Variants in ANKRD30B observed in about 807,000 individuals in gnomAD.
The protein encoded by ANKRD30B is ankyrin repeat domain 30B.
Under a neutral mutation model 202.2 loss-of-function variants are expected in ANKRD30B, and 144 were observed. That is an observed-to-expected ratio of 0.71 (90% confidence interval 0.62 to 0.82). The LOEUF (loss-of-function observed/expected upper bound fraction) is 0.82. Among genes scored for constraint, ANKRD30B ranks in the 40% least tolerant of loss-of-function variants. The pLI is 0.00. For synonymous variants in ANKRD30B, 508 were observed against 561.3 expected, an observed-to-expected ratio of 0.91 and a Z score of 1.34; for missense variants, 1,487 against 1,669.1, an observed-to-expected ratio of 0.89 and a Z score of 1.90.
At chr18:14,930,177 C>T in the ANKRD30B span, among the ~76,000 whole-genome samples, 1 of 152,180 alleles carries the variant, frequency 6.6e-6, no homozygotes, top group Non-Finnish European at 1.5e-5. Flanking sequence ...TGGGTTCCTC[C>T]AGAAGGCAGG....
the ANKRD30B span, among the ~76,000 whole-genome samples, chr18:14,879,157 A>G: frequency 1.2e-3 from 181 of 152,288 alleles, no homozygotes; most frequent in African/African-American, 4.0e-3. Flanking sequence ...TCGGGGCCAC[A>G]TCGACAGTGA....
In ANKRD30B at chr18:14,763,798, G is replaced by C. The variant is rs1040310529; in HGVS notation, c.933G>C (p.Glu311Asp). 4.3e-6 allele frequency: 7 copies of C among 1,613,870 alleles called. No homozygotes were observed. Among genetic ancestry groups the C allele is most frequent in the Non-Finnish European group, 5.9e-6 (7 of 1,179,926 alleles). Residue 311 changes from glutamate (E) to aspartate (D), a missense_variant, in exon 7 of 44, where the codon GAG (glutamate) becomes GAC (aspartate). Coordinates refer to ENST00000690538, the MANE Select transcript of ANKRD30B (RefSeq NM_001367607.2). ...KTPDEAARLV[E>D]GTSAKIQCLG... ...CTGACGAGGCTGCACGCTTGGTGGA[G>C]GGAACGTCTGCCAAAATTCAATGTC...
the ANKRD30B span, among the ~76,000 whole-genome samples, chr18:14,926,071 T>G: frequency 6.6e-6 from 1 of 152,220 alleles, no homozygotes; most frequent in African/African-American, 2.4e-5. Flanking sequence ...TCAATTGCAT[T>G]CCTCATGCCT....
chr18:14,869,961 G>C, the ANKRD30B span, among the ~76,000 whole-genome samples: 2 of 151,176 alleles, frequency 1.3e-5, no homozygotes, highest in Non-Finnish European at 3.0e-5. Context: ...TCAGCCTCCT[G>C]AGTAGCTGGT....
chr18:14,893,379 C>T, the ANKRD30B span, among the ~76,000 whole-genome samples: 15 of 152,158 alleles, frequency 9.9e-5, no homozygotes, highest in Admixed American at 2.0e-4. Context: ...GGGAGGCCAA[C>T]GCAGGCGGAT....
At chr18:14,940,845 G>A in the ANKRD30B span, among the ~76,000 whole-genome samples, 1 of 152,186 alleles carries the variant, frequency 6.6e-6, no homozygotes, top group Non-Finnish European at 1.5e-5. Flanking sequence ...AGTCAAAGAT[G>A]TGGCAGGAGT....
chr18:14,763,925 GC>G lies in ANKRD30B; in HGVS notation c.1061del (p.Ala354GlufsTer17), dbSNP rs1915672466. On this transcript the variant is annotated frameshift_variant, in exon 7 of 44. Coordinates refer to ENST00000690538, the MANE Select transcript of ANKRD30B (RefSeq NM_001367607.2). LOFTEE classifies it high-confidence loss of function. Reference protein sequence around the residue: ...KETSEKFSWPAKERSRKITWE... With the variant: ...KETSEKFSWPXKERSRKITWE... The stretch of plus-strand genomic sequence containing the variant: ...AACATCTGAGAAATTTTCATGGCCA[GC>G]AAAAGAAAGATCTAGGAAGATCACA... 6.2e-7 allele frequency: 1 copy of G among 1,610,330 alleles called. No individual in the cohort carries two copies. The highest frequency in any genetic ancestry group is 8.5e-7 in the Non-Finnish European group (1 of 1,178,018).
At chr18:14,893,061 C>T in the ANKRD30B span, among the ~76,000 whole-genome samples, 2 of 152,022 alleles carry the variant, frequency 1.3e-5, no homozygotes, top group African/African-American at 4.8e-5. Context: ...TTCTTAATTG[C>T]TTGACATATT....
At chr18:14,856,514 G>A (rs1196564031), downstream of ANKRD30B, among the ~76,000 whole-genome samples, 3 of 138,248 alleles carry the variant, frequency 2.2e-5, no homozygotes, top group Non-Finnish European at 3.3e-5. Context: ...GGGGAGAGGT[G>A]CTCCTCACCT....
the ANKRD30B span, among the ~76,000 whole-genome samples, chr18:14,912,042 A>G: frequency 5.7e-4 from 87 of 152,286 alleles, 1 homozygote; most frequent in Non-Finnish European, 1.6e-4. Context: ...AGAGTTTTCT[A>G]CATATAGATC....
rs1490300289 is a variant in ANKRD30B, at chr18:14,843,769, A to AG, written c.3181+677dup. ...AGATGGCGCCACTGCACTCCAGCCT[A>AG]GGGGACAGAGCGAGACTCCGTCTCA... On this transcript the variant is annotated intron_variant, in intron 39 of 43. Coordinates refer to ENST00000690538, the MANE Select transcript of ANKRD30B (RefSeq NM_001367607.2). Among the ~76,000 whole-genome samples, 5 of 152,260 alleles carry AG rather than the reference A, an allele frequency of 3.3e-5. No individual in the cohort carries two copies. In the South Asian group the frequency reaches 6.2e-4, roughly 19 times the overall value.
the ANKRD30B span, among the ~76,000 whole-genome samples, chr18:14,874,595 A>C: frequency 5.0e-4 from 71 of 140,994 alleles, 1 homozygote; most frequent in Non-Finnish European, 8.8e-4. Context: ...TTTTGAAGCC[A>C]AAAAAAAAAG....
At chr18:14,916,786 C>T in the ANKRD30B span, among the ~76,000 whole-genome samples, 9 of 152,260 alleles carry the variant, frequency 5.9e-5, no homozygotes, top group South Asian at 1.7e-3. Context: ...ATTTTATTGC[C>T]GACCCTGGGT....
At chr18:14,933,723 G>A in the ANKRD30B span, among the ~76,000 whole-genome samples, 5 of 126,974 alleles carry the variant, frequency 3.9e-5, no homozygotes, top group Middle Eastern at 7.6e-3. Flanking sequence ...TTAATCAGTG[G>A]CCACTACGTG....
chr18:14,831,158 C>T lies in ANKRD30B; in HGVS notation c.2775-225C>T, dbSNP rs1028459740. ...TCGAGCCATCTCACTCCAGTCTGGG[C>T]GACAGAGCGAGACTCCGTCTCGGAA... On this transcript the variant is annotated intron_variant, in intron 33 of 43. Transcript: ENST00000690538. Among the ~76,000 whole-genome samples, 12 of 117,268 alleles carry T rather than the reference C, an allele frequency of 1.0e-4. No homozygotes were observed. In the Admixed American group the frequency reaches 1.2e-3, roughly 12 times the overall value. 76.9% of individuals were successfully genotyped at this position (117,268 alleles called of 152,430 possible). A position where few individuals can be genotyped will look rare whatever the true frequency, so the allele number is the denominator to read the frequency against.
At chr18:14,826,678 C>T (rs1315116946) in intron 32 of ANKRD30B, among the ~76,000 whole-genome samples, 2 of 80,888 alleles carry the variant, frequency 2.5e-5, no homozygotes, top group African/African-American at 1.0e-4. Flanking sequence ...CTCTCTCCCC[C>T]TCTCTCTCTC....
the ANKRD30B span, among the ~76,000 whole-genome samples, chr18:14,861,638 A>ATAAATATT: frequency 2.0e-5 from 3 of 150,732 alleles, no homozygotes; most frequent in African/African-American, 7.3e-5. Flanking sequence ...ATATTACTAG[A>ATAAATATT]CCTAAGAAAA....
chr18:14,844,201 C>A (rs574191334), intron 39 of ANKRD30B, among the ~76,000 whole-genome samples: 1 of 152,008 alleles, frequency 6.6e-6, no homozygotes, highest in South Asian at 2.1e-4. Flanking sequence ...TTTGTTTATG[C>A]AAAAAACAAA....
the ANKRD30B span, among the ~76,000 whole-genome samples, chr18:14,884,425 A>G: frequency 6.6e-6 from 1 of 152,112 alleles, no homozygotes. Context: ...TGAGCCACAT[A>G]AACTATGAGA....
Sources: gnomAD v4.1 joint callset for allele counts (sites outside exome capture counted in the v4.1 genomes callset) on GRCh38, gnomAD v4.1.1 for gene constraint, MANE v1.5 for transcripts, NCBI Gene and HGNC (gene_info 2026-07-23, HGNC 2026-07-21) for gene names.